Variants in SIK2 observed in about 807,000 individuals in gnomAD.
SIK2 encodes salt inducible kinase 2.
A neutral mutation model predicts 103.2 loss-of-function variants in SIK2; 29 were observed. That is an observed-to-expected ratio of 0.28 (90% confidence interval 0.21 to 0.38). The LOEUF (loss-of-function observed/expected upper bound fraction) is 0.38, where lower values mean the gene tolerates loss of function less well. SIK2 is among the 10% of genes least tolerant of loss of function. The probability of loss-of-function intolerance (pLI) is 1.00; values close to 1 mark genes in which losing one functional copy is unlikely to be tolerated. For synonymous variants in SIK2, 412 were observed against 446.1 expected (o/e 0.92, Z 0.96); for missense variants, 879 against 1,171.0 (o/e 0.75, Z 3.64).
chr11:111,727,084 G>A lies in SIK2; in HGVS notation c.*2955G>A, dbSNP rs184829846. 4.1e-5 allele frequency: 65 copies of A among 1,591,866 alleles called. No homozygotes were observed. The East Asian group carries it at 5.8e-4, about 14-fold the overall frequency. On this transcript the variant is annotated 3_prime_UTR_variant, in exon 15 of 15. Coordinates refer to ENST00000304987, the MANE Select transcript of SIK2 (RefSeq NM_015191.3). ...TGTAAGGCAAACAGCATGTTAGCCC[G>A]ACAGGAAGAGGGGGCCCACTTTCAC...
rs549871282 is a variant in SIK2 at position 111,720,180 on chromosome 11, T to C, written c.1495+177T>C. ...CCTGGCAGCAGCTATCAAAGGTGAA[T>C]TGAAATGTCTCTGAGTTGGCTCCCA... On this transcript the variant is annotated intron_variant, in intron 10 of 14. Coordinates refer to ENST00000304987, the MANE Select transcript of SIK2 (RefSeq NM_015191.3). 2.6e-5 allele frequency among the ~76,000 whole-genome samples: 4 copies of C among 152,282 alleles called. No individual in the cohort carries two copies. In the South Asian group the frequency reaches 6.2e-4, roughly 24 times the overall value.
At position 111,728,816 on chromosome 11, in the gene SIK2, C is replaced by CA. The variant is rs919225917; in HGVS notation, c.*4687_*4688insA. 2.6e-5 allele frequency: 4 copies of CA among 151,098 alleles called. No homozygotes were observed. Among genetic ancestry groups the CA allele is most frequent in the Non-Finnish European group, 1.5e-5 (1 of 67,938 alleles). 9.4% of individuals were successfully genotyped at this position (151,098 alleles called of 1,614,324 possible). A position where few individuals can be genotyped will look rare whatever the true frequency, so the allele number is the denominator to read the frequency against. ...GTGGGCGCCTGTAGTTCCAGCTACTCGGGAGGCTGAGGCAGGAGAATGGCG... is the reference window on the plus strand; with the variant it reads ...GTGGGCGCCTGTAGTTCCAGCTACTCAGGGAGGCTGAGGCAGGAGAATGGCG... On this transcript the variant is annotated 3_prime_UTR_variant, in exon 15 of 15. Transcript: ENST00000304987.
chr11:111,659,787 C>T (rs1942443945), intron 3 of SIK2, among the ~76,000 whole-genome samples: 1 of 152,072 alleles, frequency 6.6e-6, no homozygotes. Flanking sequence ...TAATAAAAAC[C>T]TGATTCAAAT....
chr11:111,710,059 A>G (rs1943456248), intron 8 of SIK2, among the ~76,000 whole-genome samples: 1 of 152,254 alleles, frequency 6.6e-6, no homozygotes, highest in Non-Finnish European at 1.5e-5. Flanking sequence ...AGTCTAATAA[A>G]GTTGGGAAGT....
intron 6 of SIK2, among the ~76,000 whole-genome samples, chr11:111,702,572 T>A (rs1236688044): frequency 6.6e-6 from 1 of 152,160 alleles, no homozygotes; most frequent in Non-Finnish European, 1.5e-5. Context: ...CTGTCTCCAA[T>A]AATAATATAA....
intron 3 of SIK2, among the ~76,000 whole-genome samples, chr11:111,680,863 A>G (rs1942768101): frequency 6.6e-6 from 1 of 152,266 alleles, no homozygotes; most frequent in South Asian, 2.1e-4. Flanking sequence ...GAAAGCATTG[A>G]TTAATTATAC....
chr11:111,720,233 C>T (rs1345727911), intron 10 of SIK2, among the ~76,000 whole-genome samples: 1 of 152,168 alleles, frequency 6.6e-6, no homozygotes, highest in Non-Finnish European at 1.5e-5. Flanking sequence ...CTGGGTGCCA[C>T]GTGATTGATC....
chr11:111,650,615 C>T (rs1348575294), intron 3 of SIK2, among the ~76,000 whole-genome samples: 1 of 152,086 alleles, frequency 6.6e-6, no homozygotes, highest in African/African-American at 2.4e-5. Flanking sequence ...TGATCTTAAA[C>T]AGTCATTCTC....
intron 1 of SIK2, among the ~76,000 whole-genome samples, chr11:111,608,431 A>C (rs763053005): frequency 2.0e-5 from 3 of 152,194 alleles, no homozygotes; most frequent in African/African-American, 2.4e-5. Context: ...ACATTGTTGA[A>C]AAGCCCAAAG....
At chr11:111,662,990 T>C (rs1002570252) in intron 3 of SIK2, among the ~76,000 whole-genome samples, 8 of 151,922 alleles carry the variant, frequency 5.3e-5, no homozygotes, top group Non-Finnish European at 8.8e-5. Context: ...CTCAACACTT[T>C]GGGAGGCTGA....
At chr11:111,612,335 A>T (rs1171124034) in intron 1 of SIK2, among the ~76,000 whole-genome samples, 1 of 152,332 alleles carries the variant, frequency 6.6e-6, no homozygotes, top group African/African-American at 2.4e-5. Context: ...AATGCTGTGC[A>T]GTTGTGAAAG....
At chr11:111,702,165 A>G (rs1591629054) in intron 6 of SIK2, among the ~76,000 whole-genome samples, 1 of 152,352 alleles carries the variant, frequency 6.6e-6, no homozygotes, top group African/African-American at 2.4e-5. Context: ...TTTAATCCTG[A>G]GTCCACTGGT....
intron 3 of SIK2, chr11:111,683,283 C>T (rs1942800946): frequency 1.3e-5 from 2 of 152,272 alleles, no homozygotes; most frequent in African/African-American, 4.8e-5. Context: ...TAGAGGAGGA[C>T]CAGTCTTTGG....
intron 3 of SIK2, among the ~76,000 whole-genome samples, chr11:111,647,947 A>T (rs928414389): frequency 3.9e-5 from 6 of 152,090 alleles, no homozygotes; most frequent in African/African-American, 1.4e-4. Context: ...AGATGAAAAT[A>T]AGTCTGCAGT....
In SIK2 at chr11:111,725,969, A is replaced by G. The variant is rs1943951843; in HGVS notation, c.*1840A>G. The G allele has an allele frequency of 6.6e-6, 1 of 152,220 alleles. No individual in the cohort carries two copies. Among genetic ancestry groups the G allele is most frequent in the South Asian group, 2.1e-4 (1 of 4,830 alleles). 9.4% of individuals were successfully genotyped at this position (152,220 alleles called of 1,614,324 possible). On this transcript the variant is annotated 3_prime_UTR_variant, in exon 15 of 15. Coordinates refer to ENST00000304987, the MANE Select transcript of SIK2 (RefSeq NM_015191.3). ...CACAGTGAAAATCCAGGAAGAATGAATTAAGCTTCTTCTGGGAGTTGTTTA... is the reference window on the plus strand; with the variant it reads ...CACAGTGAAAATCCAGGAAGAATGAGTTAAGCTTCTTCTGGGAGTTGTTTA...
At chr11:111,669,774 G>C (rs924757146) in intron 3 of SIK2, among the ~76,000 whole-genome samples, 1 of 151,912 alleles carries the variant, frequency 6.6e-6, no homozygotes, top group Non-Finnish European at 1.5e-5. Context: ...TTTGCCTTTC[G>C]AATGCATCAT....
chr11:111,667,241 A>G (rs1042062285), intron 3 of SIK2, among the ~76,000 whole-genome samples: 3 of 151,914 alleles, frequency 2.0e-5, no homozygotes, highest in African/African-American at 7.3e-5. Context: ...GGCCGTAGTC[A>G]TTATCTTTTT....
intron 3 of SIK2, among the ~76,000 whole-genome samples, chr11:111,674,521 A>G (rs1283211057): frequency 2.0e-5 from 3 of 152,224 alleles, no homozygotes; most frequent in Non-Finnish European, 2.9e-5. Flanking sequence ...AATAGTTCCC[A>G]ACCAAATGTT....
intron 1 of SIK2, among the ~76,000 whole-genome samples, chr11:111,612,361 G>A (rs1014732957): frequency 5.9e-5 from 9 of 152,152 alleles, no homozygotes; most frequent in East Asian, 3.8e-4. Flanking sequence ...ACCATTGTTA[G>A]TATTATACAT....
Sources: gnomAD v4.1 joint callset for allele counts (sites outside exome capture counted in the v4.1 genomes callset) on GRCh38, gnomAD v4.1.1 for gene constraint, MANE v1.5 for transcripts, NCBI Gene and HGNC (gene_info 2026-07-23, HGNC 2026-07-21) for gene names.